Variants in TPGS2 observed in about 807,000 individuals in gnomAD.
The protein encoded by TPGS2 is polyglutamylase subunit 2.
In TPGS2, 26 loss-of-function variants were observed where a neutral mutation model predicts 31.1. That is an observed-to-expected ratio of 0.84 (90% confidence interval 0.61 to 1.16). The LOEUF is 1.16. Ranked by LOEUF, TPGS2 falls within the 50% of genes most tolerant of loss-of-function variation. The pLI, the probability that TPGS2 is intolerant of heterozygous loss-of-function variation, is 0.00. For synonymous variants in TPGS2, 130 were observed against 136.6 expected, an observed-to-expected ratio of 0.95 and a Z score of 0.34; for missense variants, 351 against 363.8, an observed-to-expected ratio of 0.96 and a Z score of 0.29.
At position 36,795,789 on chromosome 18, in the gene TPGS2, A is replaced by C. The variant is rs1238892185; in HGVS notation, c.*1016T>G. 7 of 985,314 alleles carry C rather than the reference A, an allele frequency of 7.1e-6. No individual in the cohort carries two copies. The Admixed American group carries it at 4.3e-4, about 61-fold the overall frequency. The allele number at this position is 985,314 out of a possible 1,614,324, so 61.0% of individuals were successfully genotyped here. A position where few individuals can be genotyped will look rare whatever the true frequency, so the allele number is the denominator to read the frequency against. ...TTCTAAGCAGGAGACTGCTTGTCCT[A>C]AGGATGGCCAGGGACCAGGCAAAGT... On this transcript the variant is annotated 3_prime_UTR_variant, in exon 7 of 7. Transcript: ENST00000334295.
intron 3 of TPGS2, chr18:36,807,559 A>G: frequency 2.5e-6 from 1 of 404,514 alleles, no homozygotes; most frequent in Non-Finnish European, 4.4e-6. Context: ...TGAGGTGGCT[A>G]GGGTTTTTTA....
chr18:36,823,460 G>GTTTTTTTTTTTTTTTTTTTTT (rs919277214), intron 1 of TPGS2, among the ~76,000 whole-genome samples: 12 of 108,104 alleles, frequency 1.1e-4, no homozygotes, highest in Admixed American at 2.1e-4. Flanking sequence ...TTAACAGCTT[G>GTTTTTTTTTTTTTTTTTTTTT]TTTTTTTTTT....
intron 2 of TPGS2, among the ~76,000 whole-genome samples, chr18:36,812,250 A>G (rs1169173264): frequency 1.3e-5 from 2 of 152,206 alleles, no homozygotes; most frequent in Admixed American, 1.3e-4. Context: ...TGTGCTAAAG[A>G]GTTGACAAAT....
At chr18:36,827,631 G>C (rs2046223178) in intron 1 of TPGS2, among the ~76,000 whole-genome samples, 1 of 152,172 alleles carries the variant, frequency 6.6e-6, no homozygotes, top group Admixed American at 6.5e-5. Context: ...AATTGTGATG[G>C]GAAGGCACTG....
chr18:36,818,671 C>T, intron 2 of TPGS2: 1 of 469,864 alleles, frequency 2.1e-6, no homozygotes, highest in Non-Finnish European at 3.8e-6. Flanking sequence ...TCCACTGCTT[C>T]TGTAGGAGAG....
chr18:36,825,350 A>T (rs1370042412), intron 1 of TPGS2, among the ~76,000 whole-genome samples: 1 of 150,676 alleles, frequency 6.6e-6, no homozygotes, highest in African/African-American at 2.4e-5. Flanking sequence ...GAGAATGGCT[A>T]GAACCCGGGA....
In TPGS2 at chr18:36,794,189, C is replaced by T; in HGVS notation, c.*2616G>A. On this transcript the variant is annotated 3_prime_UTR_variant, in exon 7 of 7. Transcript: ENST00000334295. The stretch of plus-strand genomic sequence containing the variant: ...CAGCCATAACAAGTTGAGAAAGACA[C>T]TATGGAAGAAAGGAAAAACATTACA... 1.2e-6 allele frequency: 1 copy of T among 811,142 alleles called. No individual in the cohort carries two copies. The highest frequency in any genetic ancestry group is 1.5e-6 in the Non-Finnish European group (1 of 670,956). The allele number at this position is 811,142 out of a possible 1,614,324, so 50.2% of individuals were successfully genotyped here. A position where few individuals can be genotyped will look rare whatever the true frequency, so the allele number is the denominator to read the frequency against.
downstream of TPGS2, among the ~76,000 whole-genome samples, chr18:36,793,942 T>A (rs2044406391): frequency 6.6e-6 from 1 of 152,160 alleles, no homozygotes; most frequent in East Asian, 1.9e-4. Context: ...GGGGTTTCAC[T>A]GTGTTAGCCA....
At chr18:36,798,693 C>A in intron 5 of TPGS2, 84 bp from the exon 6 acceptor site, 3 of 1,498,172 alleles carry the variant, frequency 2.0e-6, no homozygotes, top group South Asian at 1.4e-5. Flanking sequence ...ATACTCATGG[C>A]CTTAAAAAAA....
downstream of TPGS2, chr18:36,781,695 G>A (rs2044020720): frequency 4.3e-6 from 4 of 921,930 alleles, no homozygotes; most frequent in African/African-American, 7.1e-5. Flanking sequence ...GGGGATATGT[G>A]ATTTATAGGC....
intron 2 of TPGS2, among the ~76,000 whole-genome samples, chr18:36,818,343 A>G (rs2045748018): frequency 6.6e-6 from 1 of 152,038 alleles, no homozygotes; most frequent in Admixed American, 6.6e-5. Context: ...ATCAAGAGGC[A>G]AAAACAGTGC....
At position 36,828,750 on chromosome 18, in the gene TPGS2, C is replaced by T; in HGVS notation, c.18G>A (p.Ser6=). The T allele has an allele frequency of 6.2e-7, 1 of 1,613,868 alleles. No homozygotes were observed. Residue 6 remains serine, a synonymous_variant, in exon 1 of 7, where the codon TCG becomes TCA. Coordinates refer to ENST00000334295, the MANE Select transcript of TPGS2 (RefSeq NM_015476.4). ...GCTTGCTGCAGCCCAGCCCCGGGGA[C>T]GATGCCTCCTCCTCCATGGCTCGCG... MEEEA[S]SPGLGCSKPH...
rs762659752 is a variant in TPGS2, at chr18:36,798,656, G to GT, written c.497-48dup. On this transcript the variant is annotated intron_variant, in intron 5 of 6. Transcript: ENST00000334295. ...GTAAAAGATAAAGAATAGCTTAACA[G>GT]TTTTTTCTTTTTAACTGTAAAAGGT... 1.1e-5 allele frequency: 18 copies of GT among 1,583,942 alleles called. No individual in the cohort carries two copies. The East Asian group carries it at 2.7e-4, about 24-fold the overall frequency.
At position 36,796,807 on chromosome 18, in the gene TPGS2, A is replaced by C; in HGVS notation, c.901T>G (p.Ter301GlyextTer32). ...TAGGGAGTTGGAGGGAGGGGTGCTC[A>C]CTTCCGGGTGGGGTTTCCAGAGCCA... is the stretch of plus-strand genomic sequence containing the variant. Reference protein sequence around the residue: ...SSGSGNPTRK* With the variant: ...SSGSGNPTRKG Residue 301 changes from the stop codon to glycine, a stop_lost, in exon 7 of 7, where the codon TGA becomes GGA. Transcript: ENST00000334295. The C allele has an allele frequency of 6.3e-7, 1 of 1,592,668 alleles. No individual in the cohort carries two copies. The highest frequency in any genetic ancestry group is 8.5e-7 in the Non-Finnish European group (1 of 1,174,088).
rs1165730074 is a variant in TPGS2, at chr18:36,807,937, A to G, written c.166-3T>C. ...TCAGGCATCACACAGTTATTCTTCT[A>G]GAATCACAAAGCAGCTAAGTGTTAG... On this transcript the variant is annotated splice_polypyrimidine_tract_variant and splice_region_variant and intron_variant, in intron 2 of 6. Transcript: ENST00000334295. The G allele has an allele frequency of 6.2e-7, 1 of 1,614,010 alleles. No individual in the cohort carries two copies. The highest frequency in any genetic ancestry group is 8.5e-7 in the Non-Finnish European group (1 of 1,179,998).
intron 4 of TPGS2, among the ~76,000 whole-genome samples, chr18:36,801,111 G>T (rs1202811917): frequency 2.0e-5 from 3 of 152,144 alleles, no homozygotes; most frequent in African/African-American, 4.8e-5. Flanking sequence ...TCTATGGATA[G>T]GCATTTGCCT....
At chr18:36,786,643 C>G (rs758964299) in intron 6 of TPGS2, 6 of 414,954 alleles carry the variant, frequency 1.4e-5, no homozygotes, top group Non-Finnish European at 2.5e-5. Context: ...TATGATCTCT[C>G]TTTTAATATC....
chr18:36,819,193 C>T (rs1382601506), intron 1 of TPGS2, among the ~76,000 whole-genome samples: 1 of 152,178 alleles, frequency 6.6e-6, no homozygotes, highest in African/African-American at 2.4e-5. Flanking sequence ...AGGATATCCA[C>T]AGACTGTGCT....
chr18:36,818,610 C>A (rs181717465), intron 2 of TPGS2: 515 of 331,648 alleles, frequency 1.6e-3, no homozygotes, highest in Non-Finnish European at 2.5e-3. Context: ...TAACACATAT[C>A]CTTTCTTTTC....
Sources: gnomAD v4.1 joint callset for allele counts (sites outside exome capture counted in the v4.1 genomes callset) on GRCh38, gnomAD v4.1.1 for gene constraint, MANE v1.5 for transcripts, NCBI Gene and HGNC (gene_info 2026-07-23, HGNC 2026-07-21) for gene names.